Variants in CYSTM1 observed in about 807,000 individuals in gnomAD.
CYSTM1 encodes the protein cysteine rich transmembrane module containing 1.
In CYSTM1, 4 loss-of-function variants were observed where a neutral mutation model predicts 13.1. The observed-to-expected ratio is 0.31, with a 90% CI of 0.15 to 0.70. The LOEUF (loss-of-function observed/expected upper bound fraction) is 0.70, where lower values mean the gene tolerates loss of function less well. Ranked by LOEUF, CYSTM1 falls within the 30% of genes least tolerant of loss-of-function variation. The pLI is 0.72. For missense variants in CYSTM1, 96 were observed against 121.6 expected, an observed-to-expected ratio of 0.79 and a Z score of 0.99; for synonymous variants, 36 against 42.7, an observed-to-expected ratio of 0.84 and a Z score of 0.62.
chr5:140,198,524 C>A (rs1448686677), intron 2 of CYSTM1, among the ~76,000 whole-genome samples: 8 of 152,224 alleles, frequency 5.3e-5, no homozygotes, highest in Non-Finnish European at 1.5e-5. Context: ...CTTTACATGA[C>A]AACTAGCTTC....
At chr5:140,193,804 G>A (rs149573695) in intron 1 of CYSTM1, among the ~76,000 whole-genome samples, 1 of 152,340 alleles carries the variant, frequency 6.6e-6, no homozygotes, top group Non-Finnish European at 1.5e-5. Context: ...TCAGGGGCCT[G>A]GATGGGCAGA....
intron 1 of CYSTM1, among the ~76,000 whole-genome samples, chr5:140,179,420 A>G (rs1763932541): frequency 6.6e-6 from 1 of 151,758 alleles, no homozygotes. Context: ...CTAGCTGAGC[A>G]TGGTGGCATA....
chr5:140,177,068 C>CAAAAAAAA (rs1161281232), intron 1 of CYSTM1, among the ~76,000 whole-genome samples: 3 of 87,938 alleles, frequency 3.4e-5, no homozygotes, highest in Admixed American at 1.3e-4. Flanking sequence ...GACTCTGTCT[C>CAAAAAAAA]AAAAAAAAAA....
intron 2 of CYSTM1, among the ~76,000 whole-genome samples, chr5:140,220,212 T>G (rs1181395848): frequency 6.6e-6 from 1 of 152,222 alleles, no homozygotes; most frequent in African/African-American, 2.4e-5. Context: ...AAATAACAGT[T>G]CATGCATTAA....
chr5:140,211,519 A>G (rs986306555), intron 2 of CYSTM1, among the ~76,000 whole-genome samples: 20 of 152,234 alleles, frequency 1.3e-4, no homozygotes, highest in African/African-American at 3.9e-4. Context: ...CATCTTGTCT[A>G]TGATCCCCCA....
intron 2 of CYSTM1, among the ~76,000 whole-genome samples, chr5:140,234,130 T>C (rs1764650478): frequency 6.6e-6 from 1 of 152,218 alleles, no homozygotes; most frequent in Non-Finnish European, 1.5e-5. Flanking sequence ...TTGGGGTTAG[T>C]TTTTGTATAA....
At chr5:140,231,855 G>GT (rs1764621391) in intron 2 of CYSTM1, among the ~76,000 whole-genome samples, 1 of 152,236 alleles carries the variant, frequency 6.6e-6, no homozygotes, top group Non-Finnish European at 1.5e-5. Flanking sequence ...CATAGCCCAA[G>GT]TTAAGGATTT....
intron 2 of CYSTM1, among the ~76,000 whole-genome samples, chr5:140,225,954 C>T (rs1169177296): frequency 6.6e-6 from 1 of 152,232 alleles, no homozygotes; most frequent in Non-Finnish European, 1.5e-5. Context: ...GCCTGTGACT[C>T]TGACTCCCAG....
intron 2 of CYSTM1, among the ~76,000 whole-genome samples, chr5:140,240,481 G>A (rs887510766): frequency 3.9e-5 from 6 of 151,904 alleles, no homozygotes; most frequent in Admixed American, 1.3e-4. Flanking sequence ...AGGGCCCCGG[G>A]CTTCAAGTAC....
chr5:140,227,120 G>T (rs1458650059), intron 2 of CYSTM1, among the ~76,000 whole-genome samples: 3 of 152,198 alleles, frequency 2.0e-5, no homozygotes, highest in Non-Finnish European at 4.4e-5. Flanking sequence ...GCTGTGCATA[G>T]GCAGAGACCA....
At position 140,239,329 on chromosome 5, in the gene CYSTM1, GC is replaced by G. The variant is rs1357334535; in HGVS notation, c.188-3974del. Among the ~76,000 whole-genome samples, 7 of 152,012 alleles carry G rather than the reference GC, an allele frequency of 4.6e-5. No individual in the cohort carries two copies. The highest frequency in any genetic ancestry group is 1.0e-4 in the Non-Finnish European group (7 of 68,002). ...GAAACTGGAGCCCCACTTGCCCATT[GC>G]CTACCCAGAACCAGGTTTCTGAGTA... On this transcript the variant is annotated intron_variant, in intron 2 of 2. Coordinates refer to ENST00000261811, the MANE Select transcript of CYSTM1 (RefSeq NM_032412.4). The surrounding 1 kb of genome is among the most constrained non-coding windows in gnomAD (Gnocchi z 5.4).
rs749698304 is a variant in CYSTM1, at chr5:140,239,818, G to A, written c.188-3487G>A. ...TTCAAAGGGCTGACTGCGGGCAAGA[G>A]AGGCAAGCCAGTGCAGGGTCCCCTG... is the stretch of plus-strand genomic sequence containing the variant. On this transcript the variant is annotated intron_variant, in intron 2 of 2. Transcript: ENST00000261811. The surrounding 1 kb of genome is among the most constrained non-coding windows in gnomAD (Gnocchi z 5.4). Among the ~76,000 whole-genome samples, 7 of 152,338 alleles carry A rather than the reference G, an allele frequency of 4.6e-5. No homozygotes were observed. In the East Asian group the frequency reaches 1.4e-3, roughly 29 times the overall value.
In CYSTM1 at chr5:140,225,791, T is replaced by A. The variant is rs554266346; in HGVS notation, c.188-17514T>A. Among the ~76,000 whole-genome samples, 10 of 152,350 alleles carry A rather than the reference T, an allele frequency of 6.6e-5. No homozygotes were observed. The East Asian group carries it at 9.6e-4, about 15-fold the overall frequency. On this transcript the variant is annotated intron_variant, in intron 2 of 2. Coordinates refer to ENST00000261811, the MANE Select transcript of CYSTM1 (RefSeq NM_032412.4). ...CCAGCATTCTTGTATTTTCCTGCCG[T>A]GAATCTACTGGAGATAGAGATCTGG...
chr5:140,178,441 CTTTTTT>C (rs577709524), intron 1 of CYSTM1, among the ~76,000 whole-genome samples: 7 of 52,666 alleles, frequency 1.3e-4, no homozygotes, highest in South Asian at 7.4e-4. Flanking sequence ...CAAGTCCTTC[CTTTTTT>C]TTTTTTTTTT....
intron 2 of CYSTM1, among the ~76,000 whole-genome samples, chr5:140,220,704 T>C (rs561722110): frequency 6.6e-6 from 1 of 152,216 alleles, no homozygotes; most frequent in Non-Finnish European, 1.5e-5. Context: ...CAACAGCAGC[T>C]TCTTTCTCCT....
At chr5:140,186,386 G>A (rs1275157457) in intron 1 of CYSTM1, among the ~76,000 whole-genome samples, 1 of 152,210 alleles carries the variant, frequency 6.6e-6, no homozygotes, top group Non-Finnish European at 1.5e-5. Context: ...TCAGCCATTA[G>A]AACCTAGTCA....
chr5:140,217,171 A>G (rs1346725928), intron 2 of CYSTM1, among the ~76,000 whole-genome samples: 3 of 152,096 alleles, frequency 2.0e-5, no homozygotes, highest in African/African-American at 4.8e-5. Context: ...AGCCTGGGAT[A>G]CCTTTTCAGC....
rs573751355 is a variant in CYSTM1 at position 140,233,283 on chromosome 5, C to T, written c.188-10022C>T. Among the ~76,000 whole-genome samples, 9 of 152,256 alleles carry T rather than the reference C, an allele frequency of 5.9e-5. No homozygotes were observed. The East Asian group carries it at 1.5e-3, about 26-fold the overall frequency. On this transcript the variant is annotated intron_variant, in intron 2 of 2. Transcript: ENST00000261811. The stretch of plus-strand genomic sequence containing the variant: ...AATGTCATTCCAGGATACTGCCTTG[C>T]GAGCACAATCATCAGTGTGTTAACT...
intron 1 of CYSTM1, among the ~76,000 whole-genome samples, chr5:140,177,873 A>G (rs778009123): frequency 6.6e-6 from 1 of 152,196 alleles, no homozygotes; most frequent in African/African-American, 2.4e-5. Context: ...GTGGCCAACT[A>G]ATTATGGTTC....
Sources: allele counts gnomAD v4.1 joint callset (sites outside exome capture counted in the v4.1 genomes callset), GRCh38; gene constraint gnomAD v4.1.1; non-coding constraint Gnocchi (gnomAD v3.1); transcripts MANE v1.5; gene names NCBI Gene and HGNC (gene_info 2026-07-23, HGNC 2026-07-21).